Variants in PKHD1 observed in about 807,000 individuals in gnomAD.
PKHD1 encodes PKHD1 ciliary IPT domain containing fibrocystin/polyductin.
A neutral mutation model predicts 412.0 loss-of-function variants in PKHD1; 291 were observed. That is an observed-to-expected ratio of 0.71 (90% CI 0.64 to 0.78). The LOEUF is 0.78. Ranked by LOEUF, PKHD1 falls within the 30% of genes least tolerant of loss-of-function variation. The pLI is 0.00. For missense variants in PKHD1, 4,825 were observed against 4,950.7 expected, an observed-to-expected ratio of 0.97 and a Z score of 0.76; for synonymous variants, 1,777 against 1,821.5, an observed-to-expected ratio of 0.98 and a Z score of 0.62.
chr6:51,638,782 A>G, intron 64 of PKHD1, 67 bp downstream of exon 64: 1 of 954,118 alleles, frequency 1.0e-6, no homozygotes, highest in Non-Finnish European at 1.7e-6. Flanking sequence ...ACTATAAGGG[A>G]GAAAGGATTA....
At chr6:51,741,337 T>G (rs548350573) in intron 60 of PKHD1, among the ~76,000 whole-genome samples, 1 of 152,308 alleles carries the variant, frequency 6.6e-6, no homozygotes, top group Non-Finnish European at 1.5e-5. Context: ...ACAAAACCTA[T>G]GACTTCCTTC....
chr6:51,748,000 C>A lies in PKHD1; in HGVS notation c.9616G>T (p.Val3206Leu), dbSNP rs141507554. 6.8e-6 allele frequency: 11 copies of A among 1,613,964 alleles called. No homozygotes were observed. The highest frequency in any genetic ancestry group is 9.3e-6 in the Non-Finnish European group (11 of 1,179,986). The change falls in exon 58 of 67, where the codon GTG becomes TTG. Residue 3206 changes from valine (V) to leucine (L), a missense_variant. By Grantham distance (32) the Val-to-Leu change is conservative (BLOSUM62 1). Coordinates refer to ENST00000371117, the MANE Select transcript of PKHD1 (RefSeq NM_138694.4). ...VQIVLRNSVI[V>L]ATSSSFDCIQ... Reference sequence around the variant, plus strand: ...CAGTCAAAAGAAGAGCTGGTGGCCACAATGACTGAATTCCTAAGCACAATC... The same window carrying A: ...CAGTCAAAAGAAGAGCTGGTGGCCAAAATGACTGAATTCCTAAGCACAATC...
intron 45 of PKHD1, 131 bp from the exon 46 acceptor site, chr6:51,883,358 A>G: frequency 1.2e-6 from 1 of 820,260 alleles, no homozygotes; most frequent in Non-Finnish European, 2.0e-6. Flanking sequence ...TTTGTCCATC[A>G]ATGTCAGTAT....
chr6:51,772,744 G>C lies in PKHD1; in HGVS notation c.8600C>G (p.Ser2867Cys), dbSNP rs765481635. ...AATATCAGCTCCAAGATGTGTCCAGGAGTTCTTAGGATAAGCACTGTAAAG... is the reference window on the plus strand; with the variant it reads ...AATATCAGCTCCAAGATGTGTCCAGCAGTTCTTAGGATAAGCACTGTAAAG... ...VHLYSAYPKN[S>C]WTHLGADIAS... Residue 2867 changes from serine to cysteine, a missense_variant, in exon 55 of 67, where the codon TCC becomes TGC. By Grantham distance (112) the Ser-to-Cys change is moderately radical. Coordinates refer to ENST00000371117, the MANE Select transcript of PKHD1 (RefSeq NM_138694.4). The C allele has an allele frequency of 6.2e-6, 10 of 1,600,440 alleles. No homozygotes were observed. The highest frequency in any genetic ancestry group is 1.7e-5 in the Admixed American group (1 of 59,792).
chr6:52,072,433 C>T (rs1810759532), intron 7 of PKHD1, among the ~76,000 whole-genome samples: 1 of 152,132 alleles, frequency 6.6e-6, no homozygotes, highest in African/African-American at 2.4e-5. Context: ...AAACCTTCAT[C>T]ATCTCCACAC....
intron 49 of PKHD1, among the ~76,000 whole-genome samples, chr6:51,848,446 G>A (rs987157269): frequency 3.9e-5 from 6 of 152,118 alleles, no homozygotes; most frequent in African/African-American, 1.2e-4. Context: ...TTCAGTCCTC[G>A]AAAGGCACCC....
In PKHD1 at chr6:51,627,105, C is replaced by G. The variant is rs766530305; in HGVS notation, c.11677G>C (p.Glu3893Gln). 6.2e-7 allele frequency: 1 copy of G among 1,611,696 alleles called. No homozygotes were observed. Among genetic ancestry groups the G allele is most frequent in the South Asian group, 1.1e-5 (1 of 91,026 alleles). ...TTAGTCTGGGATTCAGGAATCTCTT[C>G]AGGTTTTGTTTCTGTATTAATGGAG... The part of the protein sequence containing the change: ...KRSKSRKTKP[E>Q]EIPESQTNNQ... Residue 3893 changes from glutamate (E) to glutamine (Q), a missense_variant, in exon 66 of 67, where the codon GAA becomes CAA. Coordinates refer to ENST00000371117, the MANE Select transcript of PKHD1 (RefSeq NM_138694.4).
In PKHD1 at chr6:52,058,386, G is replaced by T. The variant is rs1371241995; in HGVS notation, c.1449C>A (p.Val483=). 6.2e-7 allele frequency: 1 copy of T among 1,613,998 alleles called. No individual in the cohort carries two copies. Among genetic ancestry groups the T allele is most frequent in the African/African-American group, 1.3e-5 (1 of 74,908 alleles). The change falls in exon 16 of 67, where the codon GTC becomes GTA. Residue 483 remains valine (V), a synonymous_variant. Transcript: ENST00000371117. ...GGTGCTTCTCCCGTAGGTAAGTGGT[G>T]ACCACATCAGGATTCAGCCAGGTGT... The part of the protein sequence containing the change: ...IHNTWLNPDV[V]TTYLREKHQI...
At chr6:51,651,883 C>A (rs1264279134) in intron 61 of PKHD1, among the ~76,000 whole-genome samples, 2 of 152,108 alleles carry the variant, frequency 1.3e-5, no homozygotes, top group African/African-American at 4.8e-5. Flanking sequence ...CACCTGATGC[C>A]TTGTTAGACA....
chr6:51,918,667 G>A (rs540982316), intron 37 of PKHD1, among the ~76,000 whole-genome samples: 1 of 152,300 alleles, frequency 6.6e-6, no homozygotes, highest in South Asian at 2.1e-4. Context: ...GTGTGCATGT[G>A]TCTTTATGGT....
rs1771502245 is a variant in PKHD1, at chr6:51,847,929, T to C, written c.7953A>G (p.Leu2651=). Residue 2651 remains leucine (L), a synonymous_variant, in exon 50 of 67, where the codon CTA becomes CTG. Transcript: ENST00000371117. ...GCGGCAAATCTGTGTGCACCAGCAG[T>C]AGGTAATTACCAGGAGCAAAGTTGT... ...TFDNFAPGNY[L]LLVHTDLPPY... 1.2e-6 allele frequency: 2 copies of C among 1,613,838 alleles called. No individual in the cohort carries two copies. Among genetic ancestry groups the C allele is most frequent in the Non-Finnish European group, 1.7e-6 (2 of 1,179,888 alleles).
At chr6:52,063,172 G>A (rs1472587118) in intron 13 of PKHD1, among the ~76,000 whole-genome samples, 3 of 152,104 alleles carry the variant, frequency 2.0e-5, no homozygotes, top group Non-Finnish European at 4.4e-5. Flanking sequence ...CCAAATATGT[G>A]GCATGCTGCT....
At chr6:51,766,133 A>G (rs566836816) in intron 55 of PKHD1, among the ~76,000 whole-genome samples, 10 of 152,274 alleles carry the variant, frequency 6.6e-5, no homozygotes, top group Non-Finnish European at 1.2e-4. Flanking sequence ...TCATAGCTCA[A>G]TGTTTGACAA....
chr6:52,062,051 C>T (rs1442846896), intron 14 of PKHD1, among the ~76,000 whole-genome samples: 2 of 152,150 alleles, frequency 1.3e-5, no homozygotes, highest in African/African-American at 4.8e-5. Context: ...CAAGAGCTTC[C>T]CCTACTATAC....
chr6:51,839,940 G>C (rs1769877758), intron 50 of PKHD1, among the ~76,000 whole-genome samples: 1 of 151,932 alleles, frequency 6.6e-6, no homozygotes, highest in Non-Finnish European at 1.5e-5. Context: ...CCTGACTCAT[G>C]ACTTCTCTTT....
At chr6:51,952,973 C>T (rs1025370803) in intron 36 of PKHD1, among the ~76,000 whole-genome samples, 2 of 152,040 alleles carry the variant, frequency 1.3e-5, no homozygotes, top group African/African-American at 4.8e-5. Context: ...AGGGAATCAC[C>T]ATTATTTCCA....
chr6:51,904,097 A>G (rs1479881013), intron 41 of PKHD1, 55 bp from the exon 42 acceptor site: 26 of 1,148,748 alleles, frequency 2.3e-5, no homozygotes, highest in Middle Eastern at 1.9e-4. Flanking sequence ...TAGGAAAACA[A>G]GAGATGCTGC....
At chr6:51,900,559 A>C (rs531608456) in intron 43 of PKHD1, among the ~76,000 whole-genome samples, 75 of 152,386 alleles carry the variant, frequency 4.9e-4, no homozygotes, top group African/African-American at 1.8e-3. Context: ...ACCTAAAACC[A>C]TAAAAACCCT....
chr6:51,937,701 T>C (rs773038087), intron 36 of PKHD1, among the ~76,000 whole-genome samples: 46 of 152,296 alleles, frequency 3.0e-4, no homozygotes, highest in Middle Eastern at 3.4e-3. Context: ...ACACCCCGCA[T>C]AGGTATCCAG....
Sources: gnomAD v4.1 joint callset for allele counts (sites outside exome capture counted in the v4.1 genomes callset) on GRCh38, gnomAD v4.1.1 for gene constraint, MANE v1.5 for transcripts, NCBI Gene and HGNC (gene_info 2026-07-23, HGNC 2026-07-21) for gene names.